GABRA2: variants seen among roughly 807,000 people sequenced by gnomAD.
The protein encoded by GABRA2 is gamma-aminobutyric acid receptor subunit alpha-2.
Under a neutral mutation model 48.7 loss-of-function variants are expected in GABRA2, and 16 were observed. The observed-to-expected ratio is 0.33, with a 90% CI of 0.22 to 0.50. The LOEUF is 0.50. Among genes scored for constraint, GABRA2 ranks in the 20% least tolerant of loss-of-function variants. GABRA2 has a pLI of 0.98. For synonymous variants in GABRA2, 185 were observed against 184.5 expected (o/e 1.00, Z -0.02); for missense variants, 275 against 535.6 (o/e 0.51, Z 4.80).
chr4:46,309,296 G>A (rs1340260258), intron 6 of GABRA2, among the ~76,000 whole-genome samples: 1 of 151,978 alleles, frequency 6.6e-6, no homozygotes, highest in African/African-American at 2.4e-5. Flanking sequence ...TGAGGAGAAG[G>A]CATACTATTC....
chr4:46,314,771 G>A (rs943754299), intron 4 of GABRA2, among the ~76,000 whole-genome samples: 4 of 152,052 alleles, frequency 2.6e-5, no homozygotes, highest in Non-Finnish European at 5.9e-5. Context: ...GATTTGCTTA[G>A]GATAATGGCT....
chr4:46,325,535 C>T (rs1170956465), intron 4 of GABRA2, among the ~76,000 whole-genome samples: 1 of 152,086 alleles, frequency 6.6e-6, no homozygotes, highest in East Asian at 1.9e-4. Context: ...TGTCTGTTTG[C>T]TCTGTTAATA....
At position 46,292,871 on chromosome 4, in the gene GABRA2, G is replaced by A. The variant is rs1277057473; in HGVS notation, c.856+10589C>T. Among the ~76,000 whole-genome samples the A allele has an allele frequency of 2.0e-5, 3 of 152,164 alleles. No homozygotes were observed. In the East Asian group the frequency reaches 5.8e-4, roughly 29 times the overall value. ...TGAGGGCAGCACCTCCATCTTTGAAGAGCCCTGTAATTGCTCTTCTCTGTA... is the reference window on the plus strand; with the variant it reads ...TGAGGGCAGCACCTCCATCTTTGAAAAGCCCTGTAATTGCTCTTCTCTGTA... On this transcript the variant is annotated intron_variant, in intron 8 of 9. Transcript: ENST00000381620.
chr4:46,377,344 A>G (rs1299523174), intron 3 of GABRA2, among the ~76,000 whole-genome samples: 6 of 139,378 alleles, frequency 4.3e-5, no homozygotes, highest in South Asian at 2.3e-4. Flanking sequence ...GTCTCTGCCC[A>G]GCCGCCCATC....
rs1837497 is a variant in GABRA2, at chr4:46,268,172, T to C, written c.857-6044A>G. Among the ~76,000 whole-genome samples the C allele has an allele frequency of 6.6e-3, 1,009 of 151,996 alleles. 5 individuals carry two copies. Among genetic ancestry groups the C allele is most frequent in the Non-Finnish European group, 0.01 (686 of 67,880 alleles). On this transcript the variant is annotated intron_variant, in intron 8 of 9. Transcript: ENST00000381620. ...TTTTTTAGGTTTGACTGTGAAAACATAGGCAACAAAAACAAAGATAAATGA... is the reference window on the plus strand; with the variant it reads ...TTTTTTAGGTTTGACTGTGAAAACACAGGCAACAAAAACAAAGATAAATGA...
At chr4:46,281,965 G>A (rs976397548) in intron 8 of GABRA2, among the ~76,000 whole-genome samples, 1 of 152,120 alleles carries the variant, frequency 6.6e-6, no homozygotes, top group African/African-American at 2.4e-5. Flanking sequence ...ATGCATCCTG[G>A]TGCACAGACG....
chr4:46,381,324 C>A (rs1196510258), intron 3 of GABRA2, among the ~76,000 whole-genome samples: 1 of 151,982 alleles, frequency 6.6e-6, no homozygotes, highest in African/African-American at 2.4e-5. Flanking sequence ...TGGGAGATAC[C>A]CCGACTTGTT....
intron 8 of GABRA2, among the ~76,000 whole-genome samples, chr4:46,289,210 C>T (rs1164666602): frequency 6.6e-6 from 1 of 152,110 alleles, no homozygotes; most frequent in Non-Finnish European, 1.5e-5. Context: ...TGGGTATATA[C>T]CCAAAGGAAT....
At chr4:46,286,681 G>A (rs901079303) in intron 8 of GABRA2, among the ~76,000 whole-genome samples, 2 of 152,028 alleles carry the variant, frequency 1.3e-5, no homozygotes, top group Non-Finnish European at 2.9e-5. Context: ...GTTTTTGTTT[G>A]TAATTCCTTA....
At chr4:46,267,733 T>C (rs1055547381) in intron 8 of GABRA2, among the ~76,000 whole-genome samples, 19 of 152,220 alleles carry the variant, frequency 1.2e-4, no homozygotes, top group African/African-American at 4.6e-4. Context: ...GGGGGTCATC[T>C]AATGAATGGA....
chr4:46,326,905 A>G (rs1730483153), intron 4 of GABRA2, among the ~76,000 whole-genome samples: 1 of 151,944 alleles, frequency 6.6e-6, no homozygotes, highest in African/African-American at 2.4e-5. Flanking sequence ...TCCATATCCC[A>G]GTGAATAGTA....
At chr4:46,313,585 CTCTCTT>C (rs940103376) in intron 4 of GABRA2, among the ~76,000 whole-genome samples, 5 of 147,990 alleles carry the variant, frequency 3.4e-5, no homozygotes, top group African/African-American at 1.1e-4. Flanking sequence ...CTCTCTCTCT[CTCTCTT>C]TACCTCTCTC....
chr4:46,306,923 G>T (rs182943263), intron 6 of GABRA2, among the ~76,000 whole-genome samples: 17 of 152,164 alleles, frequency 1.1e-4, no homozygotes, highest in African/African-American at 4.1e-4. Context: ...GTTTTCTAAT[G>T]ACATACCTGG....
chr4:46,276,820 A>G (rs979200019), intron 8 of GABRA2, among the ~76,000 whole-genome samples: 1 of 152,090 alleles, frequency 6.6e-6, no homozygotes, highest in East Asian at 1.9e-4. Context: ...TCAGAATTAA[A>G]TAATGAGTTA....
intron 3 of GABRA2, among the ~76,000 whole-genome samples, chr4:46,346,849 T>G (rs1281104769): frequency 6.6e-6 from 1 of 151,654 alleles, no homozygotes; most frequent in African/African-American, 2.4e-5. Flanking sequence ...GAAGTGAAAA[T>G]TTATCTGTTC....
intron 3 of GABRA2, among the ~76,000 whole-genome samples, chr4:46,347,389 C>T (rs1262952830): frequency 2.6e-5 from 4 of 151,814 alleles, no homozygotes; most frequent in Non-Finnish European, 5.9e-5. Flanking sequence ...TGGCATAAAA[C>T]TACATATATC....
At chr4:46,324,221 C>T (rs1434837393) in intron 4 of GABRA2, among the ~76,000 whole-genome samples, 3 of 151,956 alleles carry the variant, frequency 2.0e-5, no homozygotes, top group Non-Finnish European at 4.4e-5. Flanking sequence ...TAATAGATGA[C>T]ACAATGTTCC....
chr4:46,336,543 C>A (rs1337691842), intron 3 of GABRA2, among the ~76,000 whole-genome samples: 1 of 152,060 alleles, frequency 6.6e-6, no homozygotes, highest in Non-Finnish European at 1.5e-5. Flanking sequence ...CATGAGAATA[C>A]CAAGAGTAAT....
chr4:46,377,128 C>T (rs1013905568), intron 3 of GABRA2, among the ~76,000 whole-genome samples: 2 of 151,908 alleles, frequency 1.3e-5, no homozygotes, highest in African/African-American at 4.8e-5. Flanking sequence ...CCCAAAGTGC[C>T]GAGATTGCAG....
Sources: allele counts gnomAD v4.1 joint callset (sites outside exome capture counted in the v4.1 genomes callset), GRCh38; gene constraint gnomAD v4.1.1; transcripts MANE v1.5; gene names NCBI Gene and HGNC (gene_info 2026-07-23, HGNC 2026-07-21).